NYAP2: variants seen among roughly 807,000 people sequenced by gnomAD.
NYAP2 encodes the protein neuronal tyrosine-phosphorylated phosphoinositide-3-kinase adaptor 2, also known as neuronal tyrosine-phosphorylated phosphoinositide-3-kinase adapter 2.
NYAP2 carries 23 observed loss-of-function variants against 50.4 expected under a neutral mutation model. The ratio of observed to expected loss-of-function variants is 0.46; its 90% CI spans 0.33 to 0.65. The LOEUF is 0.65. Among genes scored for constraint, NYAP2 ranks in the 30% least tolerant of loss-of-function variants. The pLI is 0.02. For synonymous variants in NYAP2, 394 were observed against 365.2 expected, an observed-to-expected ratio of 1.08 and a Z score of -0.90; for missense variants, 885 against 861.0, an observed-to-expected ratio of 1.03 and a Z score of -0.35.
chr2:225,498,644 C>A (rs575011097), intron 3 of NYAP2, among the ~76,000 whole-genome samples: 1 of 151,236 alleles, frequency 6.6e-6, no homozygotes, highest in East Asian at 1.9e-4. Flanking sequence ...GTAAGAATAT[C>A]ATTTAGTAGC....
the NYAP2 span, chr2:225,699,677 C>T: frequency 6.6e-6 from 1 of 151,826 alleles, no homozygotes; most frequent in Non-Finnish European, 1.5e-5. Flanking sequence ...GTGATCATCA[C>T]ACCCATTCTT....
intron 3 of NYAP2, among the ~76,000 whole-genome samples, chr2:225,476,305 C>A (rs552550358): frequency 1.3e-5 from 2 of 151,286 alleles, no homozygotes; most frequent in African/African-American, 4.9e-5. Context: ...CCCAGCTACT[C>A]GGGAGGCTGA....
intron 5 of NYAP2, among the ~76,000 whole-genome samples, chr2:225,608,169 C>T (rs926920705): frequency 1.3e-5 from 2 of 152,128 alleles, no homozygotes; most frequent in African/African-American, 4.8e-5. Flanking sequence ...TGGATGCAAA[C>T]ACTAGTTGTT....
chr2:225,687,578 T>C, the NYAP2 span, among the ~76,000 whole-genome samples: 3 of 152,234 alleles, frequency 2.0e-5, no homozygotes, highest in Non-Finnish European at 4.4e-5. Flanking sequence ...TGCAATTTTA[T>C]TTCTTAAGTA....
chr2:225,539,618 G>A (rs1691421887), intron 4 of NYAP2, among the ~76,000 whole-genome samples: 1 of 151,906 alleles, frequency 6.6e-6, no homozygotes, highest in African/African-American at 2.4e-5. Context: ...TTATTTTCAT[G>A]TTTCTTGGCC....
At chr2:225,507,340 T>C (rs988460881) in intron 3 of NYAP2, among the ~76,000 whole-genome samples, 2 of 152,154 alleles carry the variant, frequency 1.3e-5, no homozygotes, top group African/African-American at 4.8e-5. Context: ...TTCTCATGGG[T>C]TTTGTTTTTG....
chr2:225,419,538 A>C (rs570654901), intron 3 of NYAP2, among the ~76,000 whole-genome samples: 1 of 152,306 alleles, frequency 6.6e-6, no homozygotes, highest in Non-Finnish European at 1.5e-5. Context: ...CTTTAGTGAG[A>C]TTCATAATGA....
the NYAP2 span, chr2:225,702,263 A>G: frequency 6.6e-6 from 1 of 151,792 alleles, no homozygotes; most frequent in Non-Finnish European, 1.5e-5. Flanking sequence ...TCTTCCATGT[A>G]TACAAAATAG....
intron 5 of NYAP2, among the ~76,000 whole-genome samples, chr2:225,615,607 A>G (rs1231378962): frequency 6.6e-6 from 1 of 152,188 alleles, no homozygotes; most frequent in Non-Finnish European, 1.5e-5. Context: ...CCTGTGTTAC[A>G]GTGAGAGGTG....
intron 5 of NYAP2, among the ~76,000 whole-genome samples, chr2:225,592,309 A>G (rs979558356): frequency 1.3e-5 from 2 of 152,092 alleles, no homozygotes; most frequent in African/African-American, 2.4e-5. Flanking sequence ...CTCCAAGGGG[A>G]AAAATAGTTG....
chr2:225,518,124 A>T (rs1690968467), intron 4 of NYAP2, among the ~76,000 whole-genome samples: 1 of 152,080 alleles, frequency 6.6e-6, no homozygotes, highest in Non-Finnish European at 1.5e-5. Flanking sequence ...ACATACACAC[A>T]CAAACACACA....
intron 1 of NYAP2, 116 bp from the exon 2 acceptor site, chr2:225,400,445 T>C (rs1694842016): frequency 6.6e-6 from 1 of 152,034 alleles, no homozygotes; most frequent in Non-Finnish European, 1.5e-5. Context: ...CAAGCTGGGC[T>C]GCTCCAAACC....
At chr2:225,534,906 C>T (rs1374132435) in intron 4 of NYAP2, among the ~76,000 whole-genome samples, 5 of 152,166 alleles carry the variant, frequency 3.3e-5, no homozygotes, top group South Asian at 4.1e-4. Context: ...CGCAGTTTTG[C>T]GTCATCGGAG....
At chr2:225,532,087 C>T (rs1330059796) in intron 4 of NYAP2, among the ~76,000 whole-genome samples, 2 of 152,194 alleles carry the variant, frequency 1.3e-5, no homozygotes, top group Non-Finnish European at 1.5e-5. Context: ...TAAATGATTT[C>T]TGGATGTTAA....
chr2:225,589,516 A>AAAATATATACATATATATAT, intron 5 of NYAP2, among the ~76,000 whole-genome samples: 1 of 71,342 alleles, frequency 1.4e-5, no homozygotes, highest in South Asian at 5.4e-4. Context: ...CTAAAAGTAA[A>AAAATATATACATATATATAT]ATATATATAT....
At chr2:225,641,072 G>T (rs777099627) in intron 6 of NYAP2, among the ~76,000 whole-genome samples, 1 of 152,014 alleles carries the variant, frequency 6.6e-6, no homozygotes. Context: ...ACAGTGTGCT[G>T]ACTCCAGTTT....
At chr2:225,542,673 A>G (rs1001023931) in intron 4 of NYAP2, among the ~76,000 whole-genome samples, 1 of 152,148 alleles carries the variant, frequency 6.6e-6, no homozygotes, top group African/African-American at 2.4e-5. Context: ...TCAGTTTGCT[A>G]GTATTTTGTT....
At chr2:225,626,718 C>T (rs1435845607) in intron 5 of NYAP2, among the ~76,000 whole-genome samples, 199 bp from the exon 6 acceptor site, 1 of 152,086 alleles carries the variant, frequency 6.6e-6, no homozygotes, top group Non-Finnish European at 1.5e-5. Flanking sequence ...TTGTATTTCC[C>T]AGAGATACTA....
intron 4 of NYAP2, among the ~76,000 whole-genome samples, chr2:225,516,548 T>C (rs76744413): frequency 1.3e-5 from 2 of 151,986 alleles, no homozygotes; most frequent in Admixed American, 6.6e-5. Flanking sequence ...CTTTTTTTTT[T>C]CTCTTCAGAA....
Sources: allele counts gnomAD v4.1 joint callset (sites outside exome capture counted in the v4.1 genomes callset), GRCh38; gene constraint gnomAD v4.1.1; transcripts MANE v1.5; gene names NCBI Gene and HGNC (gene_info 2026-07-23, HGNC 2026-07-21).